NAALADL2: variants seen among roughly 807,000 people sequenced by gnomAD.
NAALADL2 encodes inactive N-acetylated-alpha-linked acidic dipeptidase-like protein 2.
Under a neutral mutation model 87.2 loss-of-function variants are expected in NAALADL2, and 76 were observed. That is an observed-to-expected ratio of 0.87 (90% CI 0.72 to 1.05). The LOEUF (loss-of-function observed/expected upper bound fraction) is 1.05, where lower values mean the gene tolerates loss of function less well. Among genes scored for constraint, NAALADL2 ranks in the 50% least tolerant of loss-of-function variants. NAALADL2 has a pLI of 0.00. For synonymous variants in NAALADL2, 354 were observed against 331.0 expected (o/e 1.07, Z -0.75); for missense variants, 1,089 against 945.8 (o/e 1.15, Z -1.99).
At chr3:174,906,533 G>T (rs189151772) in intron 1 of NAALADL2, among the ~76,000 whole-genome samples, 20 of 152,222 alleles carry the variant, frequency 1.3e-4, no homozygotes, top group African/African-American at 4.1e-4. Flanking sequence ...ACATGGCAAG[G>T]ATTTGAAGAA....
At chr3:174,946,857 T>C (rs1258040260) in intron 1 of NAALADL2, among the ~76,000 whole-genome samples, 1 of 152,220 alleles carries the variant, frequency 6.6e-6, no homozygotes, top group Non-Finnish European at 1.5e-5. Context: ...TATTCATTTA[T>C]ATTGAACATA....
chr3:175,742,911 G>A (rs866971085), intron 12 of NAALADL2, among the ~76,000 whole-genome samples: 1 of 152,100 alleles, frequency 6.6e-6, no homozygotes, highest in Non-Finnish European at 1.5e-5. Context: ...TGAGGACAAG[G>A]ATGTTTCTTT....
intron 2 of NAALADL2, among the ~76,000 whole-genome samples, chr3:174,678,311 C>A (rs185355972): frequency 3.3e-5 from 5 of 152,248 alleles, no homozygotes; most frequent in African/African-American, 9.6e-5. Flanking sequence ...ATGGAACACA[C>A]TTTGCAGAGC....
intron 2 of NAALADL2, chr3:174,691,874 C>T (rs1241460736): frequency 1.3e-5 from 2 of 152,208 alleles, no homozygotes; most frequent in African/African-American, 4.8e-5. Flanking sequence ...TGCAGCTCCT[C>T]ATCAGTTCAA....
intron 12 of NAALADL2, among the ~76,000 whole-genome samples, chr3:175,741,109 T>C (rs1260354605): frequency 6.6e-6 from 1 of 152,140 alleles, no homozygotes; most frequent in African/African-American, 2.4e-5. Flanking sequence ...GGAACTGTCA[T>C]AGTCCATTCA....
chr3:174,945,557 T>C (rs141809649), intron 1 of NAALADL2, among the ~76,000 whole-genome samples: 86 of 152,334 alleles, frequency 5.6e-4, no homozygotes, highest in African/African-American at 2.0e-3. Flanking sequence ...TCCAAAGATA[T>C]TCTTTAATAG....
chr3:174,585,547 T>G (rs1242204943), intron 2 of NAALADL2, among the ~76,000 whole-genome samples: 1 of 152,216 alleles, frequency 6.6e-6, no homozygotes, highest in Admixed American at 6.5e-5. Context: ...TCCAAAGATG[T>G]GGAGCTGTGA....
At chr3:175,389,574 G>C (rs1768831655) in intron 5 of NAALADL2, among the ~76,000 whole-genome samples, 1 of 152,172 alleles carries the variant, frequency 6.6e-6, no homozygotes, top group Non-Finnish European at 1.5e-5. Context: ...AGAAACATTA[G>C]TAAATGAATG....
At chr3:174,803,080 T>C (rs757125383) in intron 3 of NAALADL2, among the ~76,000 whole-genome samples, 1 of 152,170 alleles carries the variant, frequency 6.6e-6, no homozygotes, top group Non-Finnish European at 1.5e-5. Context: ...GTTGAACTAC[T>C]TTACGCTCCC....
chr3:175,276,692 G>A (rs1753649993), intron 4 of NAALADL2, among the ~76,000 whole-genome samples: 1 of 152,098 alleles, frequency 6.6e-6, no homozygotes, highest in African/African-American at 2.4e-5. Flanking sequence ...AAGCAGAAGT[G>A]AAAACCTTTC....
intron 10 of NAALADL2, among the ~76,000 whole-genome samples, chr3:175,591,784 GTATATATATATATATATATATATATA>G (rs57196350): frequency 4.4e-5 from 6 of 137,048 alleles, no homozygotes; most frequent in Non-Finnish European, 6.3e-5. Context: ...GTGTGTGTGT[GTATATATATATATATATATATATATA>G]TATATATATA....
chr3:175,086,490 A>G (rs953533882), intron 1 of NAALADL2, among the ~76,000 whole-genome samples: 1 of 152,144 alleles, frequency 6.6e-6, no homozygotes, highest in Non-Finnish European at 1.5e-5. Flanking sequence ...TTAAAATTAA[A>G]GGTTAGATGA....
intron 1 of NAALADL2, among the ~76,000 whole-genome samples, chr3:174,495,094 C>T (rs1235338028): frequency 6.6e-6 from 1 of 152,046 alleles, no homozygotes; most frequent in African/African-American, 2.4e-5. Flanking sequence ...GCCAAAATAT[C>T]TACTGGAGAA....
At chr3:174,891,401 C>G (rs910076960) in intron 1 of NAALADL2, among the ~76,000 whole-genome samples, 1 of 151,922 alleles carries the variant, frequency 6.6e-6, no homozygotes, top group African/African-American at 2.4e-5. Flanking sequence ...GAAAGAAGAA[C>G]TGAAGATATA....
intron 2 of NAALADL2, among the ~76,000 whole-genome samples, chr3:175,172,795 AT>A (rs1212359786): frequency 1.3e-5 from 2 of 152,166 alleles, no homozygotes; most frequent in Non-Finnish European, 2.9e-5. Flanking sequence ...AATTTGGATT[AT>A]TGAAAAGGAG....
At chr3:174,788,421 G>A (rs2861846) in intron 3 of NAALADL2, among the ~76,000 whole-genome samples, 151,948 of 152,270 alleles carry the variant, frequency 1, 75,813 homozygotes, top group Middle Eastern at 1. Flanking sequence ...TTTTCTCACA[G>A]TTGTGGAGGC....
intron 2 of NAALADL2, among the ~76,000 whole-genome samples, chr3:175,218,493 T>C (rs1381619757): frequency 1.3e-5 from 2 of 148,668 alleles, no homozygotes; most frequent in African/African-American, 5.3e-5. Flanking sequence ...AAATATAATA[T>C]ATATGCAGCA....
At chr3:174,783,847 AG>A (rs912656028) in intron 3 of NAALADL2, among the ~76,000 whole-genome samples, 3 of 152,088 alleles carry the variant, frequency 2.0e-5, no homozygotes, top group African/African-American at 7.2e-5. Context: ...GAGGACTTCC[AG>A]GGCATCATTT....
intron 9 of NAALADL2, among the ~76,000 whole-genome samples, chr3:175,492,920 T>A (rs1728303094): frequency 6.6e-6 from 1 of 152,116 alleles, no homozygotes; most frequent in Non-Finnish European, 1.5e-5. Context: ...TTTTCACCAT[T>A]AAGCGTGTTA....
Sources: gnomAD v4.1 joint callset for allele counts (sites outside exome capture counted in the v4.1 genomes callset) on GRCh38, gnomAD v4.1.1 for gene constraint, MANE v1.5 for transcripts, NCBI Gene and HGNC (gene_info 2026-07-23, HGNC 2026-07-21) for gene names.